Variants in KSR2 observed in about 807,000 individuals in gnomAD.
KSR2 encodes the protein kinase suppressor of ras 2.
KSR2 carries 25 observed loss-of-function variants against 107.8 expected under a neutral mutation model. The ratio of observed to expected loss-of-function variants is 0.23; its 90% CI spans 0.17 to 0.32. The LOEUF (loss-of-function observed/expected upper bound fraction) is 0.32. KSR2 is among the 10% of genes least tolerant of loss of function. The pLI is 1.00. For missense variants in KSR2, 887 were observed against 1,268.9 expected (o/e 0.70, Z 4.57); for synonymous variants, 480 against 507.0 (o/e 0.95, Z 0.71).
chr12:117,582,961 C>T (rs1378173382), intron 5 of KSR2, among the ~76,000 whole-genome samples: 2 of 152,146 alleles, frequency 1.3e-5, no homozygotes, highest in African/African-American at 4.8e-5. Context: ...AGGCTGACTC[C>T]AATTTTTTTT....
At chr12:117,511,156 C>G (rs1874000295) in intron 14 of KSR2, among the ~76,000 whole-genome samples, 1 of 152,234 alleles carries the variant, frequency 6.6e-6, no homozygotes, top group South Asian at 2.1e-4. Context: ...CCCAGAACAA[C>G]TAGCAAACCA....
At position 117,527,127 on chromosome 12, in the gene KSR2, G is replaced by T. The variant is rs758219149; in HGVS notation, c.1803-8C>A. The T allele has an allele frequency of 1.9e-6, 3 of 1,610,772 alleles. No homozygotes were observed. The highest frequency in any genetic ancestry group is 4.5e-5 in the East Asian group (2 of 44,820). On this transcript the variant is annotated splice_polypyrimidine_tract_variant and splice_region_variant and intron_variant, in intron 12 of 19. Coordinates refer to ENST00000339824, the MANE Select transcript of KSR2 (RefSeq NM_173598.6). ...AATGGATTTCCTTCCAAGCTGTAAA[G>T]AAAGAAAAATAAACGTGATCCCTAG...
At chr12:117,639,428 C>G (rs1040109003) in intron 5 of KSR2, among the ~76,000 whole-genome samples, 5 of 151,236 alleles carry the variant, frequency 3.3e-5, no homozygotes, top group African/African-American at 1.2e-4. Context: ...CTCCCAGGTT[C>G]AAGCAATTCT....
intron 1 of KSR2, among the ~76,000 whole-genome samples, chr12:117,957,772 C>CACACACAT (rs397719035): frequency 6.7e-6 from 1 of 150,352 alleles, no homozygotes; most frequent in Admixed American, 6.7e-5. Context: ...CACACACACA[C>CACACACAT]GCACACCTTT....
intron 5 of KSR2, among the ~76,000 whole-genome samples, chr12:117,593,539 G>A (rs1441878080): frequency 1.3e-5 from 2 of 152,232 alleles, no homozygotes; most frequent in South Asian, 2.1e-4. Context: ...TCTTTTGCCC[G>A]AGTTGGAATG....
chr12:117,681,021 G>T (rs766152267), intron 4 of KSR2, among the ~76,000 whole-genome samples: 57 of 152,328 alleles, frequency 3.7e-4, no homozygotes, highest in Admixed American at 6.5e-4. Flanking sequence ...TGTAATCCCA[G>T]CACTTTGGGA....
chr12:117,525,815 G>A (rs1875107382), intron 13 of KSR2, among the ~76,000 whole-genome samples: 1 of 152,210 alleles, frequency 6.6e-6, no homozygotes, highest in African/African-American at 2.4e-5. Context: ...CAAAAACTGG[G>A]AGAGGTCAGA....
At position 117,455,809 on chromosome 12, in the gene KSR2, A is replaced by G. The variant is rs1383677533; in HGVS notation, c.*11390T>C. The G allele has an allele frequency of 2.6e-5, 4 of 152,150 alleles. No individual in the cohort carries two copies. The highest frequency in any genetic ancestry group is 9.7e-5 in the African/African-American group (4 of 41,420). 9.4% of individuals were successfully genotyped at this position (152,150 alleles called of 1,614,324 possible). ...AACTGTAGGCATTTGAAATCCACCAATGTACCCAAAAATAGGGCTATGAGG... is the reference window on the plus strand; with the variant it reads ...AACTGTAGGCATTTGAAATCCACCAGTGTACCCAAAAATAGGGCTATGAGG... On this transcript the variant is annotated 3_prime_UTR_variant, in exon 20 of 20. Transcript: ENST00000339824.
chr12:117,568,839 C>T (rs1002455136), intron 7 of KSR2, among the ~76,000 whole-genome samples: 3 of 152,020 alleles, frequency 2.0e-5, no homozygotes, highest in Admixed American at 6.6e-5. Flanking sequence ...TAGGTAAAAA[C>T]GCATATATAG....
rs79668964 is a variant in KSR2, at chr12:117,864,571, G to A, written c.181-4140C>T. The stretch of plus-strand genomic sequence containing the variant: ...CAAAGTACCACAAGTTGGATGATTC[G>A]AACAGCAAACATTTCCAGTCTCACC... On this transcript the variant is annotated intron_variant, in intron 1 of 19. Coordinates refer to ENST00000339824, the MANE Select transcript of KSR2 (RefSeq NM_173598.6). Among the ~76,000 whole-genome samples, 681 of 152,158 alleles carry A rather than the reference G, an allele frequency of 4.5e-3. 2 individuals carry two copies. The highest frequency in any genetic ancestry group is 0.015 in the African/African-American group (638 of 41,498).
intron 1 of KSR2, among the ~76,000 whole-genome samples, chr12:117,947,238 AAAG>A (rs1319642998): frequency 1.1e-4 from 14 of 123,036 alleles, no homozygotes; most frequent in South Asian, 2.7e-4. Context: ...AGAAAGAAAG[AAAG>A]AAAGAAAGAA....
At chr12:117,467,676 G>T in intron 19 of KSR2, 1 of 342,066 alleles carries the variant, frequency 2.9e-6, no homozygotes. Flanking sequence ...GCAGGAAGAG[G>T]GGGTGGGACT....
chr12:117,965,551 T>C (rs1896761197), intron 1 of KSR2, among the ~76,000 whole-genome samples: 1 of 152,234 alleles, frequency 6.6e-6, no homozygotes, highest in Non-Finnish European at 1.5e-5. Context: ...GTATACATGC[T>C]ATTAAGTGCT....
intron 4 of KSR2, among the ~76,000 whole-genome samples, chr12:117,696,103 C>A (rs1178020216): frequency 6.6e-6 from 1 of 152,168 alleles, no homozygotes; most frequent in Non-Finnish European, 1.5e-5. Context: ...GTTCAGGACT[C>A]CCCAAGTACC....
At chr12:117,836,779 A>G (rs1239418758) in intron 3 of KSR2, among the ~76,000 whole-genome samples, 1 of 152,182 alleles carries the variant, frequency 6.6e-6, no homozygotes, top group Non-Finnish European at 1.5e-5. Context: ...ACTGATTTCA[A>G]CTGAAGCAAG....
rs35125662 is a variant in KSR2 at position 117,943,500 on chromosome 12, C to CAAA, written c.180+24573_180+24575dup. Among the ~76,000 whole-genome samples, 27 of 52,938 alleles carry CAAA rather than the reference C, an allele frequency of 5.1e-4. 4 individuals carry two copies. Among genetic ancestry groups the CAAA allele is most frequent in the African/African-American group, 1.9e-3 (24 of 12,418 alleles). The allele number at this position is 52,938 out of a possible 152,430, so 34.7% of individuals were successfully genotyped here. Reference sequence around the variant, plus strand: ...CCTTATGTGTCCTTATCCACCTAGCCAAAAAAAAAAAAAAAAAAAAAAAAA... The same window carrying CAAA: ...CCTTATGTGTCCTTATCCACCTAGCCAAAAAAAAAAAAAAAAAAAAAAAAAAAA... On this transcript the variant is annotated intron_variant, in intron 1 of 19. Coordinates refer to ENST00000339824, the MANE Select transcript of KSR2 (RefSeq NM_173598.6).
At chr12:117,599,747 CAT>C (rs1880832596) in intron 5 of KSR2, among the ~76,000 whole-genome samples, 1 of 152,238 alleles carries the variant, frequency 6.6e-6, no homozygotes, top group Admixed American at 6.5e-5. Flanking sequence ...CTAGATCAAA[CAT>C]ATCAAGAATG....
chr12:117,756,799 A>T (rs1888807771), intron 4 of KSR2, among the ~76,000 whole-genome samples: 1 of 152,240 alleles, frequency 6.6e-6, no homozygotes, highest in African/African-American at 2.4e-5. Context: ...TCACGCCTGT[A>T]ATCCCAACAC....
At chr12:117,508,102 C>T (rs952401543) in intron 14 of KSR2, among the ~76,000 whole-genome samples, 2 of 152,176 alleles carry the variant, frequency 1.3e-5, no homozygotes, top group African/African-American at 4.8e-5. Context: ...TATTTTAGTC[C>T]TGCTGCCTGT....
Sources: allele counts gnomAD v4.1 joint callset (sites outside exome capture counted in the v4.1 genomes callset), GRCh38; gene constraint gnomAD v4.1.1; transcripts MANE v1.5; gene names NCBI Gene and HGNC (gene_info 2026-07-23, HGNC 2026-07-21).